CEP164: variants seen among roughly 807,000 people sequenced by gnomAD.
The protein encoded by CEP164 is centrosomal protein 164.
Under a neutral mutation model 182.7 loss-of-function variants are expected in CEP164, and 162 were observed. The observed-to-expected ratio is 0.89, with a 90% CI of 0.78 to 1.01. CEP164 has a LOEUF of 1.01. Ranked by LOEUF, CEP164 falls within the 50% of genes least tolerant of loss-of-function variation. CEP164 has a pLI of 0.00. For synonymous variants in CEP164, 661 were observed against 690.0 expected (o/e 0.96, Z 0.66); for missense variants, 1,735 against 1,790.4 (o/e 0.97, Z 0.56).
intron 11 of CEP164, among the ~76,000 whole-genome samples, chr11:117,380,066 C>T (rs1489742436): frequency 6.6e-6 from 1 of 151,932 alleles, no homozygotes; most frequent in Non-Finnish European, 1.5e-5. Context: ...CCTCCAGGTG[C>T]CAGGTGGTGC....
chr11:117,396,432 C>T, intron 25 of CEP164, 118 bp from the exon 26 acceptor site: 1 of 895,464 alleles, frequency 1.1e-6, no homozygotes, highest in East Asian at 2.4e-5. Flanking sequence ...GTAAACAGTG[C>T]CTGGCAGCTA....
Position 117,395,557 on chromosome 11 carries a change from C to T in CEP164, c.2924C>T (p.Ala975Val), listed in dbSNP as rs778872289. 3.7e-6 allele frequency: 6 copies of T among 1,610,574 alleles called. No individual in the cohort carries two copies. The Admixed American group carries it at 1.0e-4, about 27-fold the overall frequency. The change falls in exon 24 of 33, where the codon GCC becomes GTC. Residue 975 changes from alanine (A) to valine (V), a missense_variant. Ala to Val is a moderately conservative substitution (Grantham distance 64). Coordinates refer to ENST00000278935, the MANE Select transcript of CEP164 (RefSeq NM_014956.5). ...TCCTTTTGCCCCTAGGAAGCCACAG[C>T]CACCCATCAGCAGCTGGAGGAGGCA... Reference protein sequence around the residue: ...QVALKSEEATATHQQLEEAQK... With the variant: ...QVALKSEEATVTHQQLEEAQK...
At chr11:117,354,725 G>T (rs542176) in intron 5 of CEP164, among the ~76,000 whole-genome samples, 32,658 of 149,756 alleles carry the variant, frequency 0.22, 3,671 homozygotes, top group African/African-American at 0.28. Flanking sequence ...TCATTTTTTA[G>T]TTTTTTAATT....
chr11:117,333,830 C>G (rs533525689), intron 1 of CEP164, among the ~76,000 whole-genome samples: 1 of 152,150 alleles, frequency 6.6e-6, no homozygotes, highest in Non-Finnish European at 1.5e-5. Flanking sequence ...GCCACTGTGC[C>G]CAGCCCTAGT....
At chr11:117,378,077 C>T (rs903967550) in intron 11 of CEP164, among the ~76,000 whole-genome samples, 6 of 152,084 alleles carry the variant, frequency 3.9e-5, no homozygotes, top group Admixed American at 3.9e-4. Flanking sequence ...CCATGTTGGC[C>T]AGGCTGGTCT....
At chr11:117,350,309 C>T (rs1475653076) in intron 4 of CEP164, among the ~76,000 whole-genome samples, 1 of 151,828 alleles carries the variant, frequency 6.6e-6, no homozygotes, top group Non-Finnish European at 1.5e-5. Context: ...CTCAAACAAT[C>T]CTCCCACCTC....
intron 5 of CEP164, chr11:117,355,997 G>T: frequency 2.2e-6 from 2 of 922,290 alleles, no homozygotes; most frequent in South Asian, 2.8e-5. Context: ...GCCTGACTTG[G>T]AGAGCAGCAG....
At chr11:117,354,508 G>C (rs965777225) in intron 5 of CEP164, among the ~76,000 whole-genome samples, 3 of 152,084 alleles carry the variant, frequency 2.0e-5, no homozygotes, top group African/African-American at 7.2e-5. Flanking sequence ...TGGCAGTGTG[G>C]GTCTTTGTGA....
In CEP164 at chr11:117,394,595, C is replaced by A; in HGVS notation, c.2760+102C>A. 1 of 1,441,444 alleles carries A rather than the reference C, an allele frequency of 6.9e-7. No homozygotes were observed. Among genetic ancestry groups the A allele is most frequent in the Non-Finnish European group, 9.3e-7 (1 of 1,070,740 alleles). 89.3% of individuals were successfully genotyped at this position (1,441,444 alleles called of 1,614,324 possible). The stretch of plus-strand genomic sequence containing the variant: ...GCCCCAGCAGGATGCAGCCTGACAG[C>A]TTCTGGAGTGAGAGTCTCTCACTGG... On this transcript the variant is annotated intron_variant, in intron 21 of 32. Coordinates refer to ENST00000278935, the MANE Select transcript of CEP164 (RefSeq NM_014956.5). This position sits in a 1 kb window ranked among gnomAD's most constrained non-coding sequence, Gnocchi z 4.0.
intron 1 of CEP164, 124 bp from the exon 2 acceptor site, chr11:117,335,481 C>T (rs1411802464): frequency 6.6e-6 from 1 of 152,074 alleles, no homozygotes; most frequent in African/African-American, 2.4e-5. Context: ...TAAACAATCC[C>T]TGATGGATCC....
At chr11:117,379,606 C>A (rs185734704) in intron 11 of CEP164, among the ~76,000 whole-genome samples, 1 of 152,042 alleles carries the variant, frequency 6.6e-6, no homozygotes, top group African/African-American at 2.4e-5. Flanking sequence ...CTTTGGGTCA[C>A]GAGCTGGGCC....
intron 8 of CEP164, among the ~76,000 whole-genome samples, chr11:117,365,652 T>G (rs890585507): frequency 3.9e-5 from 6 of 152,182 alleles, no homozygotes; most frequent in African/African-American, 1.4e-4. Context: ...TGATCTTGGC[T>G]CACTGCAGCC....
intron 5 of CEP164, chr11:117,356,389 G>C (rs140642889): frequency 1.7e-6 from 2 of 1,194,626 alleles, no homozygotes; most frequent in African/African-American, 3.2e-5. Flanking sequence ...TGTCTAGTGA[G>C]GGTGAGCACG....
In CEP164 at chr11:117,411,167, T is replaced by G; in HGVS notation, c.4163+273T>G. ...CCTGAGGAAGCTGCCCTCTGGCCCC[T>G]GTGGGGAGGAGTCAGCCCCTGGTGG... On this transcript the variant is annotated intron_variant, in intron 31 of 32. Transcript: ENST00000278935. The surrounding 1 kb of genome is among the most constrained non-coding windows in gnomAD (Gnocchi z 4.4). 2.4e-6 allele frequency: 1 copy of G among 420,834 alleles called. No homozygotes were observed. Among genetic ancestry groups the G allele is most frequent in the Admixed American group, 3.5e-5 (1 of 28,428 alleles). 26.1% of individuals were successfully genotyped at this position (420,834 alleles called of 1,614,324 possible). A position where few individuals can be genotyped will look rare whatever the true frequency, so the allele number is the denominator to read the frequency against.
intron 1 of CEP164, among the ~76,000 whole-genome samples, chr11:117,330,640 ACT>A (rs2036063458): frequency 6.7e-6 from 1 of 148,946 alleles, no homozygotes; most frequent in African/African-American, 2.5e-5. Context: ...CAAGAATGAT[ACT>A]CTGTCTCAAA....
chr11:117,394,645 G>A lies in CEP164; in HGVS notation c.2760+152G>A. Reference sequence around the variant, plus strand: ...GCCATCTCCAAGCTGGGGCATCCTTGTTACTTTGTTTTCTGGGCCAGGGAA... The same window carrying A: ...GCCATCTCCAAGCTGGGGCATCCTTATTACTTTGTTTTCTGGGCCAGGGAA... On this transcript the variant is annotated intron_variant, in intron 21 of 32. Coordinates refer to ENST00000278935, the MANE Select transcript of CEP164 (RefSeq NM_014956.5). The surrounding 1 kb of genome is among the most constrained non-coding windows in gnomAD (Gnocchi z 4.0). 8.7e-7 allele frequency: 1 copy of A among 1,150,110 alleles called. No homozygotes were observed. Among genetic ancestry groups the A allele is most frequent in the Admixed American group, 2.7e-5 (1 of 36,662 alleles). The allele number at this position is 1,150,110 out of a possible 1,614,324, so 71.2% of individuals were successfully genotyped here.
chr11:117,398,280 T>C (rs2045726862), intron 27 of CEP164, among the ~76,000 whole-genome samples: 1 of 152,256 alleles, frequency 6.6e-6, no homozygotes, highest in Admixed American at 6.5e-5. Flanking sequence ...TCCGCCCCTG[T>C]GGCTTTGCAG....
chr11:117,396,565 G>T lies in CEP164; in HGVS notation c.3232G>T (p.Val1078Leu). 6.2e-7 allele frequency: 1 copy of T among 1,613,816 alleles called. No homozygotes were observed. Among genetic ancestry groups the T allele is most frequent in the Non-Finnish European group, 8.5e-7 (1 of 1,179,676 alleles). Residue 1078 changes from valine to leucine, a missense_variant, in exon 26 of 33, where the codon GTG becomes TTG. Transcript: ENST00000278935. ...GTGTCCCTAGAACCAGACCAAAGAG[G>T]TGTCTTCTTCTCTCTCCCAGAGCAA... Reference protein sequence around the residue: ...KSLGTNQTKEVSSSLSQSKED... With the variant: ...KSLGTNQTKELSSSLSQSKED...
Position 117,396,165 on chromosome 11 carries a change from G to A in CEP164, c.3201G>A (p.Arg1067=). The A allele has an allele frequency of 1.8e-6, 2 of 1,141,232 alleles. No homozygotes were observed. The highest frequency in any genetic ancestry group is 2.5e-6 in the Non-Finnish European group (2 of 813,044). 70.7% of individuals were successfully genotyped at this position (1,141,232 alleles called of 1,614,324 possible). The change falls in exon 25 of 33, where the codon AGG becomes AGA. Residue 1067 remains arginine, a synonymous_variant. Coordinates refer to ENST00000278935, the MANE Select transcript of CEP164 (RefSeq NM_014956.5). Reference sequence around the variant, plus strand: ...CAGATCTCCATATTGAGGACCTGAGGAAATCCCTTGGAACAGTGAGCTGGG... The same window carrying A: ...CAGATCTCCATATTGAGGACCTGAGAAAATCCCTTGGAACAGTGAGCTGGG... ...FEPDLHIEDL[R]KSLGTNQTKE...
Sources: allele counts gnomAD v4.1 joint callset (sites outside exome capture counted in the v4.1 genomes callset), GRCh38; gene constraint gnomAD v4.1.1; non-coding constraint Gnocchi (gnomAD v3.1); transcripts MANE v1.5; gene names NCBI Gene and HGNC (gene_info 2026-07-23, HGNC 2026-07-21).